Variants in MYO18B observed in about 807,000 individuals in gnomAD.
MYO18B encodes the protein myosin XVIIIB.
Under a neutral mutation model 273.0 loss-of-function variants are expected in MYO18B, and 204 were observed. That is an observed-to-expected ratio of 0.75 (90% CI 0.67 to 0.84). MYO18B has a LOEUF of 0.84. Among genes scored for constraint, MYO18B ranks in the 40% least tolerant of loss-of-function variants. MYO18B has a pLI of 0.00. For synonymous variants in MYO18B, 1,330 were observed against 1,305.7 expected (o/e 1.02, Z -0.40); for missense variants, 3,212 against 3,287.6 (o/e 0.98, Z 0.56).
At chr22:25,802,015 G>A (rs2088220300) in intron 12 of MYO18B, among the ~76,000 whole-genome samples, 1 of 152,156 alleles carries the variant, frequency 6.6e-6, no homozygotes, top group Non-Finnish European at 1.5e-5. Context: ...AGACTATCCT[G>A]AGTTAGCAGA....
At position 25,811,014 on chromosome 22, in the gene MYO18B, CT is replaced by C. The variant is rs979721207; in HGVS notation, c.2522-12481del. Among the ~76,000 whole-genome samples the C allele has an allele frequency of 4.0e-4, 60 of 149,478 alleles. No individual in the cohort carries two copies. The East Asian group carries it at 6.9e-3, about 17-fold the overall frequency. On this transcript the variant is annotated intron_variant, in intron 12 of 43. Coordinates refer to ENST00000335473, the MANE Select transcript of MYO18B (RefSeq NM_032608.7). Reference sequence around the variant, plus strand: ...TGGCTAGTTTTGTTTTTTTCTTAAACTTTTTTTTTTCTTTTGTGAGACTGAG... The same window carrying C: ...TGGCTAGTTTTGTTTTTTTCTTAAACTTTTTTTTTCTTTTGTGAGACTGAG...
chr22:25,763,493 T>C, intron 3 of MYO18B, 104 bp downstream of exon 3: 2 of 1,372,150 alleles, frequency 1.5e-6, no homozygotes, highest in South Asian at 1.4e-5. Flanking sequence ...GCTCCTGCTG[T>C]CCTGGTTTTG....
chr22:25,761,350 G>A (rs5761166), intron 2 of MYO18B, among the ~76,000 whole-genome samples: 3 of 151,798 alleles, frequency 2.0e-5, no homozygotes, highest in East Asian at 3.9e-4. Flanking sequence ...ACGCCCCCCC[G>A]AGGGCTGCCT....
chr22:25,832,754 T>C (rs75573136), intron 15 of MYO18B, among the ~76,000 whole-genome samples, 163 bp from the exon 16 acceptor site: 667 of 151,616 alleles, frequency 4.4e-3, no homozygotes, highest in African/African-American at 0.015. Flanking sequence ...ATGACTAAAA[T>C]GGTAAATTTT....
chr22:25,923,428 T>C (rs2092376968), intron 34 of MYO18B, among the ~76,000 whole-genome samples: 1 of 152,240 alleles, frequency 6.6e-6, no homozygotes, highest in South Asian at 2.1e-4. Context: ...TTGCCCTGCT[T>C]AATCCTCATG....
intron 12 of MYO18B, among the ~76,000 whole-genome samples, chr22:25,804,133 ATCC>A (rs1319028239): frequency 6.6e-6 from 1 of 152,186 alleles, no homozygotes; most frequent in Non-Finnish European, 1.5e-5. Context: ...ACCGTGGTAA[ATCC>A]ACTTTCTCTG....
chr22:26,051,373 A>G, the MYO18B span, among the ~76,000 whole-genome samples: 1 of 151,832 alleles, frequency 6.6e-6, no homozygotes. Context: ...ACAGGCGCCC[A>G]CCACCGCGCC....
the MYO18B span, among the ~76,000 whole-genome samples, chr22:26,051,513 G>A: frequency 6.6e-6 from 1 of 152,160 alleles, no homozygotes; most frequent in African/African-American, 2.4e-5. Flanking sequence ...GCTTTGCCAA[G>A]TCACATAGCT....
At chr22:26,015,403 A>G (rs543689362) in intron 42 of MYO18B, among the ~76,000 whole-genome samples, 1 of 152,348 alleles carries the variant, frequency 6.6e-6, no homozygotes, top group African/African-American at 2.4e-5. Flanking sequence ...ATCAACTTAA[A>G]TGCCCATCAA....
chr22:26,000,083 G>A (rs1474085917), intron 40 of MYO18B, among the ~76,000 whole-genome samples: 1 of 152,222 alleles, frequency 6.6e-6, no homozygotes, highest in African/African-American at 2.4e-5. Context: ...CTGCCCTTTG[G>A]GCCCCTGCCC....
intron 22 of MYO18B, 82 bp downstream of exon 22, chr22:25,868,467 G>T: frequency 2.6e-6 from 3 of 1,172,392 alleles, no homozygotes; most frequent in Non-Finnish European, 3.7e-6. Context: ...TACCTCAATT[G>T]TCTATTATCT....
At chr22:25,799,749 T>C (rs926473105) in intron 12 of MYO18B, among the ~76,000 whole-genome samples, 1 of 152,196 alleles carries the variant, frequency 6.6e-6, no homozygotes, top group African/African-American at 2.4e-5. Flanking sequence ...ATTGTTTTGA[T>C]TTTGGAAATT....
the MYO18B span, among the ~76,000 whole-genome samples, chr22:26,044,910 G>C: frequency 6.6e-6 from 1 of 152,154 alleles, no homozygotes; most frequent in African/African-American, 2.4e-5. Context: ...ACCTATTGTT[G>C]AGATGGTTTG....
At chr22:25,911,832 C>G (rs2092164675) in intron 33 of MYO18B, among the ~76,000 whole-genome samples, 1 of 152,162 alleles carries the variant, frequency 6.6e-6, no homozygotes, top group Non-Finnish European at 1.5e-5. Flanking sequence ...GAGGCAGCTT[C>G]CGATTTCAGA....
chr22:25,963,995 ATTTG>A (rs2092948783), intron 39 of MYO18B: 1 of 152,118 alleles, frequency 6.6e-6, no homozygotes, highest in Non-Finnish European at 1.5e-5. Flanking sequence ...AGGATTTAAT[ATTTG>A]TTTATCATAT....
intron 12 of MYO18B, among the ~76,000 whole-genome samples, chr22:25,804,641 G>T (rs2088381621): frequency 6.6e-6 from 1 of 152,252 alleles, no homozygotes; most frequent in Non-Finnish European, 1.5e-5. Context: ...ATTCTCCTGT[G>T]TGTGGAAGGT....
rs148041583 is a variant in MYO18B, at chr22:25,793,365, G to T, written c.2377-4588G>T. 4.8e-3 allele frequency among the ~76,000 whole-genome samples: 733 copies of T among 152,246 alleles called. 3 individuals are homozygous for T. The highest frequency in any genetic ancestry group is 6.2e-3 in the Non-Finnish European group (419 of 68,028). ...TTCTCCTGGCTCAGCCTCCCAAGTA[G>T]CTGGGGCTACAAGGACATATCACCA... is the stretch of plus-strand genomic sequence containing the variant. On this transcript the variant is annotated intron_variant, in intron 11 of 43. Transcript: ENST00000335473.
At chr22:25,821,467 CTAT>C (rs895721490) in intron 12 of MYO18B, among the ~76,000 whole-genome samples, 1 of 152,080 alleles carries the variant, frequency 6.6e-6, no homozygotes. Context: ...AAGGACGACA[CTAT>C]TATTTGTTTT....
chr22:25,892,229 T>C (rs2091680371), intron 27 of MYO18B: 1 of 152,190 alleles, frequency 6.6e-6, no homozygotes, highest in South Asian at 2.1e-4. Context: ...TACTTTACCA[T>C]TATTATGAGG....
Sources: gnomAD v4.1 joint callset for allele counts (sites outside exome capture counted in the v4.1 genomes callset) on GRCh38, gnomAD v4.1.1 for gene constraint, MANE v1.5 for transcripts, NCBI Gene and HGNC (gene_info 2026-07-23, HGNC 2026-07-21) for gene names.